MROH2B: variants seen among roughly 807,000 people sequenced by gnomAD.
The protein encoded by MROH2B is maestro heat like repeat family member 2B.
Under a neutral mutation model 208.6 loss-of-function variants are expected in MROH2B, and 177 were observed. The observed-to-expected ratio is 0.85, with a 90% CI of 0.75 to 0.96. The LOEUF (loss-of-function observed/expected upper bound fraction) is 0.96, where lower values mean the gene tolerates loss of function less well. MROH2B is among the 40% of genes least tolerant of loss of function. The probability of loss-of-function intolerance (pLI) is 0.00; values close to 1 mark genes in which losing one functional copy is unlikely to be tolerated. For synonymous variants in MROH2B, 728 were observed against 659.0 expected, an observed-to-expected ratio of 1.10 and a Z score of -1.60; for missense variants, 2,002 against 1,878.7, an observed-to-expected ratio of 1.07 and a Z score of -1.21.
intron 28 of MROH2B, among the ~76,000 whole-genome samples, chr5:41,015,845 T>C (rs986702394): frequency 1.3e-5 from 2 of 152,214 alleles, no homozygotes; most frequent in African/African-American, 2.4e-5. Context: ...CCAACTACTC[T>C]GCTATGCTGC....
chr5:41,005,718 A>C, intron 34 of MROH2B, 73 bp from the exon 35 acceptor site: 1 of 1,258,912 alleles, frequency 7.9e-7, no homozygotes, highest in Admixed American at 2.0e-5. Flanking sequence ...TTTGTTCATC[A>C]GGCAAGTAAT....
chr5:41,017,991 C>T (rs1414505702), intron 27 of MROH2B, 21 bp from the exon 28 acceptor site: 1 of 1,565,974 alleles, frequency 6.4e-7, no homozygotes, highest in South Asian at 1.2e-5. Flanking sequence ...AAGGAGGCAT[C>T]CTATTGTGAT....
At chr5:41,014,517 C>T (rs139743379) in intron 29 of MROH2B, among the ~76,000 whole-genome samples, 1,826 of 152,208 alleles carry the variant, frequency 0.012, 36 homozygotes, top group African/African-American at 0.042. Flanking sequence ...AGCACACCAA[C>T]ATGGCACATG....
intron 24 of MROH2B, among the ~76,000 whole-genome samples, chr5:41,019,299 G>A (rs1262324140): frequency 1.3e-5 from 2 of 151,990 alleles, no homozygotes; most frequent in Admixed American, 1.3e-4. Context: ...TATATGATCT[G>A]TGACAGCATT....
intron 24 of MROH2B, among the ~76,000 whole-genome samples, chr5:41,019,481 T>C (rs1025921335): frequency 2.6e-5 from 4 of 152,230 alleles, no homozygotes; most frequent in Non-Finnish European, 5.9e-5. Context: ...ACATATACTA[T>C]AGGTTCTTAT....
chr5:41,002,104 A>G (rs2111792541), intron 37 of MROH2B, among the ~76,000 whole-genome samples: 1 of 152,328 alleles, frequency 6.6e-6, no homozygotes, highest in East Asian at 1.9e-4. Context: ...TTTAAAAGAT[A>G]CCTCTTTAGA....
intron 16 of MROH2B, 179 bp downstream of exon 16, chr5:41,048,145 T>C (rs1743178940): frequency 1.5e-6 from 1 of 655,008 alleles, no homozygotes. Flanking sequence ...GTAGTATGAA[T>C]ATTGGCAAGA....
chr5:41,063,566 C>T (rs1743705960), intron 5 of MROH2B, among the ~76,000 whole-genome samples: 1 of 151,946 alleles, frequency 6.6e-6, no homozygotes, highest in Non-Finnish European at 1.5e-5. Context: ...GATGACAGAA[C>T]AAGAAGAAAT....
intron 31 of MROH2B, 125 bp downstream of exon 31, chr5:41,009,797 A>G (rs1878290): frequency 0.35 from 308,389 of 881,772 alleles, 54,959 homozygotes; most frequent in South Asian, 0.45. Flanking sequence ...CAATTGTTAA[A>G]TTGTTATTCA....
chr5:41,051,134 G>A, intron 12 of MROH2B, 44 bp from the exon 13 acceptor site: 1 of 1,330,952 alleles, frequency 7.5e-7, no homozygotes, highest in Non-Finnish European at 1.0e-6. Flanking sequence ...GACTCCTAAG[G>A]TTGGTCCCCT....
Position 41,037,623 on chromosome 5 carries a change from C to T in MROH2B, c.2214+1113G>A, listed in dbSNP as rs73750226. Among the ~76,000 whole-genome samples the T allele has an allele frequency of 5.2e-3, 796 of 152,270 alleles. 10 individuals are homozygous for T. Among genetic ancestry groups the T allele is most frequent in the African/African-American group, 0.018 (734 of 41,562 alleles). On this transcript the variant is annotated intron_variant, in intron 21 of 41. Coordinates refer to ENST00000399564, the MANE Select transcript of MROH2B (RefSeq NM_173489.5). ...TACATAAGAATAAATGTGAAGAGCACTTATGCATCAACATGTGGTTTGTGG... is the reference window on the plus strand; with the variant it reads ...TACATAAGAATAAATGTGAAGAGCATTTATGCATCAACATGTGGTTTGTGG...
In MROH2B at chr5:41,070,885, C is replaced by A. The variant is rs747167451; in HGVS notation, c.-33G>T. Reference sequence around the variant, plus strand: ...CTGTTTCAGGGTCTCTAAAAGATAGCACCTAAGTATTAGAAATAGTAAGGC... The same window carrying A: ...CTGTTTCAGGGTCTCTAAAAGATAGAACCTAAGTATTAGAAATAGTAAGGC... On this transcript the variant is annotated 5_prime_UTR_variant, in exon 1 of 42. Coordinates refer to ENST00000399564, the MANE Select transcript of MROH2B (RefSeq NM_173489.5). 84 of 1,605,412 alleles carry A rather than the reference C, an allele frequency of 5.2e-5. No individual in the cohort carries two copies. Among genetic ancestry groups the A allele is most frequent in the Non-Finnish European group, 6.6e-5 (78 of 1,175,228 alleles).
In MROH2B at chr5:41,032,734, T is replaced by C. The variant is rs1274874683; in HGVS notation, c.2441+8A>G. 1 of 1,609,362 alleles carries C rather than the reference T, an allele frequency of 6.2e-7. No homozygotes were observed. The highest frequency in any genetic ancestry group is 1.3e-5 in the African/African-American group (1 of 74,804). On this transcript the variant is annotated splice_region_variant and intron_variant, in intron 24 of 41. Transcript: ENST00000399564. The stretch of plus-strand genomic sequence containing the variant: ...CTTTTTCAATGAAAACAACTAAAAA[T>C]TATCTACCTGAGATACCTAATGGCG...
intron 30 of MROH2B, among the ~76,000 whole-genome samples, chr5:41,011,704 A>G (rs1055562348): frequency 6.8e-6 from 1 of 146,784 alleles, no homozygotes; most frequent in South Asian, 2.1e-4. Flanking sequence ...GCCTTGCTCT[A>G]TTGCCCAGGC....
chr5:41,000,394 ATCTCCT>A (rs1240455400), intron 38 of MROH2B, 43 bp from the exon 39 acceptor site: 1 of 1,602,366 alleles, frequency 6.2e-7, no homozygotes, highest in South Asian at 1.1e-5. Context: ...GAACGTTAGG[ATCTCCT>A]TCCAGAAGGG....
chr5:41,069,653 C>T, intron 2 of MROH2B, 38 bp downstream of exon 2: 1 of 1,498,940 alleles, frequency 6.7e-7, no homozygotes, highest in Non-Finnish European at 9.1e-7. Context: ...AACAAGAAGA[C>T]TGAAAAAGGG....
intron 5 of MROH2B, among the ~76,000 whole-genome samples, chr5:41,064,107 G>A (rs943936652): frequency 2.6e-5 from 4 of 152,190 alleles, no homozygotes; most frequent in Non-Finnish European, 5.9e-5. Flanking sequence ...GAGGTCAGTC[G>A]AAATGGAAGT....
intron 24 of MROH2B, among the ~76,000 whole-genome samples, chr5:41,028,561 A>C (rs1742459394): frequency 6.6e-6 from 1 of 152,158 alleles, no homozygotes; most frequent in Non-Finnish European, 1.5e-5. Flanking sequence ...AAGATTATAC[A>C]ATATTTTTTT....
chr5:41,033,951 C>T, intron 21 of MROH2B, 87 bp from the exon 22 acceptor site: 1 of 1,533,916 alleles, frequency 6.5e-7, no homozygotes, highest in Non-Finnish European at 8.8e-7. Flanking sequence ...ACCCATCAAC[C>T]TGAAGGACAA....
Sources: gnomAD v4.1 joint callset for allele counts (sites outside exome capture counted in the v4.1 genomes callset) on GRCh38, gnomAD v4.1.1 for gene constraint, MANE v1.5 for transcripts, NCBI Gene and HGNC (gene_info 2026-07-23, HGNC 2026-07-21) for gene names.